The following PYGM variants were observed in gnomAD, a reference collection of about 807,000 sequenced individuals.
The protein encoded by PYGM is glycogen phosphorylase, muscle form.
In PYGM, 81 loss-of-function variants were observed where a neutral mutation model predicts 99.3. That is an observed-to-expected ratio of 0.82 (90% confidence interval 0.68 to 0.98). The LOEUF (loss-of-function observed/expected upper bound fraction) is 0.98. PYGM is among the 50% of genes least tolerant of loss of function. The pLI is 0.00. For missense variants in PYGM, 1,030 were observed against 1,158.1 expected (o/e 0.89, Z 1.61); for synonymous variants, 436 against 451.5 (o/e 0.97, Z 0.44).
intron 10 of PYGM, 87 bp downstream of exon 10, chr11:64,753,792 A>G (rs1235680242): frequency 1.1e-5 from 16 of 1,518,864 alleles, no homozygotes; most frequent in African/African-American, 1.5e-5. Flanking sequence ...CCAGAGTCTC[A>G]GGGCCCTGGC....
At chr11:64,748,336 C>T (rs1409785845) in intron 17 of PYGM, 1 of 152,212 alleles carries the variant, frequency 6.6e-6, no homozygotes, top group Non-Finnish European at 1.5e-5. Flanking sequence ...ACCATGCTCA[C>T]AACATCTCAC....
At chr11:64,750,625 C>T (rs2058349802) in intron 16 of PYGM, 42 bp from the exon 17 acceptor site, 2 of 1,590,610 alleles carry the variant, frequency 1.3e-6, no homozygotes, top group South Asian at 2.2e-5. Flanking sequence ...TCAGGGAAGA[C>T]CCTCACACCA....
chr11:64,754,511 G>A lies in PYGM; in HGVS notation c.1000-166C>T. 1.0e-6 allele frequency: 1 copy of A among 994,564 alleles called. No homozygotes were observed. The highest frequency in any genetic ancestry group is 1.5e-6 in the Non-Finnish European group (1 of 668,442). 61.6% of individuals were successfully genotyped at this position (994,564 alleles called of 1,614,324 possible). ...GGGGTGGGAGGAATGGGGGGAGTGG[G>A]GCGGGAGGAGGAGGGAAGCCCAGGT... On this transcript the variant is annotated intron_variant, in intron 8 of 19. Coordinates refer to ENST00000164139, the MANE Select transcript of PYGM (RefSeq NM_005609.4). This position sits in a 1 kb window ranked among gnomAD's most constrained non-coding sequence, Gnocchi z 5.5.
At chr11:64,758,402 C>T (rs372269820) in intron 3 of PYGM, 35 bp downstream of exon 3, 14 of 1,612,940 alleles carry the variant, frequency 8.7e-6, no homozygotes, top group Admixed American at 5.0e-5. Flanking sequence ...AGGACCCCAT[C>T]GGCCCACTCC....
chr11:64,752,166 A>G, intron 13 of PYGM, 95 bp from the exon 14 acceptor site: 1 of 1,562,164 alleles, frequency 6.4e-7, no homozygotes, highest in East Asian at 2.2e-5. Context: ...GATGGCTACC[A>G]GGAGGCTCAC....
chr11:64,749,936 G>A (rs1277653136), intron 17 of PYGM, among the ~76,000 whole-genome samples: 1 of 151,846 alleles, frequency 6.6e-6, no homozygotes, highest in Non-Finnish European at 1.5e-5. Context: ...GGGACTACAG[G>A]CGCCTGCCAA....
In PYGM at chr11:64,755,201, C is replaced by T. The variant is rs1424357597; in HGVS notation, c.855+72G>A. ...TGTGACTAGGGCACCAGCAAGTGTCCTTCCCCAGCTCTCCCTGACCCCTGC... is the reference window on the plus strand; with the variant it reads ...TGTGACTAGGGCACCAGCAAGTGTCTTTCCCCAGCTCTCCCTGACCCCTGC... On this transcript the variant is annotated intron_variant, in intron 7 of 19. Coordinates refer to ENST00000164139, the MANE Select transcript of PYGM (RefSeq NM_005609.4). This position sits in a 1 kb window ranked among gnomAD's most constrained non-coding sequence, Gnocchi z 4.1. The T allele has an allele frequency of 5.3e-6, 8 of 1,517,512 alleles. No homozygotes were observed. Among genetic ancestry groups the T allele is most frequent in the Non-Finnish European group, 7.3e-6 (8 of 1,094,446 alleles). 94.0% of individuals were successfully genotyped at this position (1,517,512 alleles called of 1,614,324 possible). A position where few individuals can be genotyped will look rare whatever the true frequency, so the allele number is the denominator to read the frequency against.
rs1265650541 is a variant in PYGM, at chr11:64,759,906, G to A, written c.-8C>T. On this transcript the variant is annotated 5_prime_UTR_variant, in exon 1 of 20. Transcript: ENST00000164139. ...TGACAGGGGCCGGGACATGGCTGCA[G>A]GAGGGCGGGCCGGACTGGACTGATG... 6.2e-7 allele frequency: 1 copy of A among 1,613,882 alleles called. No individual in the cohort carries two copies. Among genetic ancestry groups the A allele is most frequent in the South Asian group, 1.1e-5 (1 of 91,068 alleles).
At chr11:64,747,047 G>C (rs1332056956) in intron 18 of PYGM, 60 bp from the exon 19 acceptor site, 12 of 1,594,252 alleles carry the variant, frequency 7.5e-6, no homozygotes, top group Admixed American at 1.7e-5. Context: ...AGTTCTATGA[G>C]GTCAAGGGCC....
At position 64,757,966 on chromosome 11, in the gene PYGM, AGTGCACG is replaced by A. The variant is rs371984017; in HGVS notation, c.529-63_529-57del. On this transcript the variant is annotated intron_variant, in intron 4 of 19. Coordinates refer to ENST00000164139, the MANE Select transcript of PYGM (RefSeq NM_005609.4). ...CAGCAGTATCAGTACAGGCACTCAC[AGTGCACG>A]GTGGGGCAGGGTGGGGGCCGTGGGC... 7.1e-4 allele frequency: 1,135 copies of A among 1,609,638 alleles called. 10 individuals are homozygous for A. The African/African-American group carries it at 0.014, about 19-fold the overall frequency.
chr11:64,759,214 G>A (rs1054465060), intron 1 of PYGM, among the ~76,000 whole-genome samples: 1 of 150,816 alleles, frequency 6.6e-6, no homozygotes, highest in East Asian at 2.0e-4. Context: ...CCGTCTGCCC[G>A]CCCCTCCCCC....
chr11:64,760,076 T>C, upstream of PYGM: 1 of 1,016,868 alleles, frequency 9.8e-7, no homozygotes, highest in Non-Finnish European at 1.4e-6. Context: ...AGGGAGCTAT[T>C]TTGAGGGCAA....
chr11:64,751,747 C>T, intron 14 of PYGM, 92 bp from the exon 15 acceptor site: 1 of 1,546,778 alleles, frequency 6.5e-7, no homozygotes, highest in Non-Finnish European at 8.9e-7. Flanking sequence ...GTAGGCCTGA[C>T]TCGAACAATC....
chr11:64,754,519 G>T lies in PYGM; in HGVS notation c.999+174C>A. On this transcript the variant is annotated intron_variant, in intron 8 of 19. Coordinates refer to ENST00000164139, the MANE Select transcript of PYGM (RefSeq NM_005609.4). This position sits in a 1 kb window ranked among gnomAD's most constrained non-coding sequence, Gnocchi z 5.5. ...AGGAATGGGGGGAGTGGGGCGGGAG[G>T]AGGAGGGAAGCCCAGGTTCTGAGCC... 2.0e-6 allele frequency: 2 copies of T among 1,004,406 alleles called. No homozygotes were observed. Among genetic ancestry groups the T allele is most frequent in the Non-Finnish European group, 2.9e-6 (2 of 681,234 alleles). The allele number at this position is 1,004,406 out of a possible 1,614,324, so 62.2% of individuals were successfully genotyped here. A position where few individuals can be genotyped will look rare whatever the true frequency, so the allele number is the denominator to read the frequency against.
intron 14 of PYGM, 120 bp downstream of exon 14, chr11:64,751,804 G>T: frequency 2.6e-6 from 4 of 1,533,156 alleles, no homozygotes; most frequent in East Asian, 2.3e-5. Context: ...GTGAAATGGG[G>T]ATAATTCCAT....
upstream of PYGM, among the ~76,000 whole-genome samples, chr11:64,760,626 C>T (rs934106223): frequency 2.6e-5 from 4 of 152,244 alleles, no homozygotes; most frequent in African/African-American, 9.6e-5. Context: ...AGCACGGGGC[C>T]CTGGGAACTG....
Position 64,754,584 on chromosome 11 carries a change from C to G in PYGM, c.999+109G>C. ...CCTGAACAACTGACCCTCCCACACT[C>G]CCAGTCTCCACTCCCTTATCTATTA... On this transcript the variant is annotated intron_variant, in intron 8 of 19. Coordinates refer to ENST00000164139, the MANE Select transcript of PYGM (RefSeq NM_005609.4). This position sits in a 1 kb window ranked among gnomAD's most constrained non-coding sequence, Gnocchi z 5.5. 1.2e-5 allele frequency: 17 copies of G among 1,462,276 alleles called. No individual in the cohort carries two copies. The South Asian group carries it at 1.8e-4, about 16-fold the overall frequency. The allele number at this position is 1,462,276 out of a possible 1,614,324, so 90.6% of individuals were successfully genotyped here.
At chr11:64,751,730 G>C (rs1282126493) in intron 14 of PYGM, 75 bp from the exon 15 acceptor site, 23 of 1,575,304 alleles carry the variant, frequency 1.5e-5, no homozygotes, top group Non-Finnish European at 2.0e-5. Context: ...GGCTGGGCTG[G>C]GACACCGTAG....
At chr11:64,750,281 TG>T in intron 17 of PYGM, 94 bp downstream of exon 17, 2 of 1,394,710 alleles carry the variant, frequency 1.4e-6, no homozygotes, top group Non-Finnish European at 1.0e-6. Flanking sequence ...TTGCTGGGCC[TG>T]GACCAGTCTT....
Sources: gnomAD v4.1 joint callset for allele counts (sites outside exome capture counted in the v4.1 genomes callset) on GRCh38, gnomAD v4.1.1 for gene constraint, Gnocchi (gnomAD v3.1) non-coding constraint, MANE v1.5 for transcripts, NCBI Gene and HGNC (gene_info 2026-07-23, HGNC 2026-07-21) for gene names.